The following AGT variants were observed in gnomAD, a reference collection of about 807,000 sequenced individuals.
AGT encodes angiotensinogen.
AGT carries 26 observed loss-of-function variants against 28.1 expected under a neutral mutation model. The ratio of observed to expected loss-of-function variants is 0.92; its 90% CI spans 0.68 to 1.28. AGT has a LOEUF of 1.28. Among genes scored for constraint, AGT ranks in the 50% most tolerant of loss-of-function variants. The probability of loss-of-function intolerance (pLI) is 0.00; values close to 1 mark genes in which losing one functional copy is unlikely to be tolerated. For synonymous variants in AGT, 259 were observed against 259.6 expected (o/e 1.00, Z 0.02); for missense variants, 596 against 592.3 (o/e 1.01, Z -0.06).
intron 1 of AGT, among the ~76,000 whole-genome samples, chr1:230,730,516 C>T (rs1413728741): frequency 6.6e-6 from 1 of 152,134 alleles, no homozygotes; most frequent in Admixed American, 6.6e-5. Flanking sequence ...ATTGGCTTCA[C>T]GATACCATCT....
At chr1:230,715,431 T>C (rs1232787156), upstream of AGT, among the ~76,000 whole-genome samples, 2 of 152,214 alleles carry the variant, frequency 1.3e-5, no homozygotes, top group African/African-American at 4.8e-5. Context: ...AAACACTTTT[T>C]GAGGCCAGGA....
At position 230,703,126 on chromosome 1, in the gene AGT, TC is replaced by T. The variant is rs757762966; in HGVS notation, c.*14del. 3 of 1,612,706 alleles carry T rather than the reference TC, an allele frequency of 1.9e-6. No homozygotes were observed. The highest frequency in any genetic ancestry group is 2.5e-6 in the Non-Finnish European group (3 of 1,179,776). On this transcript the variant is annotated 3_prime_UTR_variant, in exon 5 of 5. Transcript: ENST00000366667. ...GCAGAGGCCTTGCCAGGCACTGTGTTCTGGGGCCCTGGCCTCATGCTGTGCT... is the reference window on the plus strand; with the variant it reads ...GCAGAGGCCTTGCCAGGCACTGTGTTTGGGGCCCTGGCCTCATGCTGTGCT...
At chr1:230,731,152 C>G (rs1433555714) in intron 1 of AGT, among the ~76,000 whole-genome samples, 1 of 152,188 alleles carries the variant, frequency 6.6e-6, no homozygotes, top group Admixed American at 6.5e-5. Flanking sequence ...GAGTTCATAT[C>G]CAAGGTCACT....
upstream of AGT, among the ~76,000 whole-genome samples, chr1:230,718,495 T>C (rs748201286): frequency 6.6e-6 from 1 of 152,106 alleles, no homozygotes; most frequent in Admixed American, 6.5e-5. Context: ...TCATCGTATA[T>C]ATCTGCTGCT....
intron 1 of AGT, among the ~76,000 whole-genome samples, chr1:230,728,929 G>C (rs1309876891): frequency 6.6e-6 from 1 of 152,216 alleles, no homozygotes; most frequent in Non-Finnish European, 1.5e-5. Flanking sequence ...ATTTGGAGCA[G>C]AGCCTGCCAG....
rs757454311 is a variant in AGT, at chr1:230,703,297, C to T, written c.1275G>A (p.Ala425=). Residue 425 remains alanine, a synonymous_variant, in exon 5 of 5, where the codon GCG becomes GCA. Coordinates refer to ENST00000366667, the MANE Select transcript of AGT (RefSeq NM_001384479.1). ...TAGACTCTGTGGGCTCTCTCTCATC[C>T]GCTTCAAGCTCAAAAAAAATGCTGT... is the stretch of plus-strand genomic sequence containing the variant. ...VLNSIFFELE[A]DEREPTESTQ... The T allele has an allele frequency of 2.9e-5, 47 of 1,614,088 alleles. No homozygotes were observed. Among genetic ancestry groups the T allele is most frequent in the South Asian group, 9.9e-5 (9 of 91,076 alleles).
At chr1:230,736,755 T>G (rs1323291660) in intron 1 of AGT, among the ~76,000 whole-genome samples, 1 of 152,112 alleles carries the variant, frequency 6.6e-6, no homozygotes, top group East Asian at 1.9e-4. Flanking sequence ...TGGGGCAAAA[T>G]TTCAAAGCCC....
At chr1:230,712,762 G>T (rs1481433741) in intron 1 of AGT, among the ~76,000 whole-genome samples, 4 of 152,204 alleles carry the variant, frequency 2.6e-5, no homozygotes, top group Non-Finnish European at 5.9e-5. Context: ...GTGATCTGCG[G>T]CTGCTCCCTA....
chr1:230,704,486 G>A, intron 3 of AGT, 149 bp from the exon 4 acceptor site: 1 of 1,105,658 alleles, frequency 9.0e-7, no homozygotes, highest in South Asian at 1.4e-5. Context: ...CTCCCCCTTG[G>A]GGAAAATTTC....
At chr1:230,703,563 G>T (rs187483077) in intron 4 of AGT, among the ~76,000 whole-genome samples, 1 of 152,286 alleles carries the variant, frequency 6.6e-6, no homozygotes, top group Admixed American at 6.5e-5. Context: ...CTCACATGCC[G>T]GCTCCTCCCT....
upstream of AGT, among the ~76,000 whole-genome samples, chr1:230,719,052 A>G (rs1048227225): frequency 2.0e-5 from 3 of 152,126 alleles, no homozygotes; most frequent in Non-Finnish European, 1.5e-5. Context: ...AAGGCTGAAT[A>G]GTATCCCATT....
chr1:230,717,357 C>T (rs1402932726), upstream of AGT, among the ~76,000 whole-genome samples: 1 of 152,026 alleles, frequency 6.6e-6, no homozygotes, highest in Non-Finnish European at 1.5e-5. Context: ...ATCTCTTGAC[C>T]ACCCAGCTAG....
At chr1:230,743,911 G>A (rs1437549515) in intron 1 of AGT, among the ~76,000 whole-genome samples, 1 of 152,234 alleles carries the variant, frequency 6.6e-6, no homozygotes, top group African/African-American at 2.4e-5. Flanking sequence ...GACAGAGAAA[G>A]AACAGCACAG....
At chr1:230,731,461 C>T (rs185477543) in intron 1 of AGT, among the ~76,000 whole-genome samples, 65 of 152,342 alleles carry the variant, frequency 4.3e-4, no homozygotes, top group Admixed American at 7.8e-4. Flanking sequence ...GAATCCTTGC[C>T]GTGTGCAGTC....
At position 230,710,702 on chromosome 1, in the gene AGT, G is replaced by T; in HGVS notation, c.122C>A (p.Thr41Asn). 1 of 1,614,178 alleles carries T rather than the reference G, an allele frequency of 6.2e-7. No individual in the cohort carries two copies. Among genetic ancestry groups the T allele is most frequent in the Non-Finnish European group, 8.5e-7 (1 of 1,180,006 alleles). The change falls in exon 2 of 5, where the codon ACC (threonine) becomes AAC (asparagine). Residue 41 changes from threonine to asparagine, a missense_variant. Physicochemically the swap from Thr to Asn is moderately conservative, Grantham distance 65 (BLOSUM62 0). Transcript: ENST00000366667. ...PFHLVIHNESTCEQLAKANAG... is the reference protein window; with the variant it reads ...PFHLVIHNESNCEQLAKANAG... ...ATTGGCCTTTGCCAGCTGCTCACAG[G>T]TACTCTCATTGTGGATGACGAGGTG... is the stretch of plus-strand genomic sequence containing the variant.
intron 2 of AGT, among the ~76,000 whole-genome samples, chr1:230,708,502 G>C (rs913648565): frequency 7.9e-5 from 12 of 152,158 alleles, no homozygotes; most frequent in African/African-American, 2.9e-4. Flanking sequence ...TGCCAGGGCT[G>C]AGCAATCCCC....
intron 1 of AGT, among the ~76,000 whole-genome samples, chr1:230,734,303 CT>C: frequency 6.6e-6 from 1 of 151,814 alleles, no homozygotes; most frequent in East Asian, 1.9e-4. Context: ...AAGACAAATG[CT>C]ATATGATTCC....
upstream of AGT, among the ~76,000 whole-genome samples, chr1:230,719,404 A>ATGTTTTTTTTTTTTGTTTGTTTT (rs1558291258): frequency 1.4e-4 from 14 of 99,580 alleles, 1 homozygote; most frequent in African/African-American, 7.7e-4. Context: ...TATTATCATT[A>ATGTTTTTTTTTTTTGTTTGTTTT]TGTTTTTTTT....
intron 2 of AGT, among the ~76,000 whole-genome samples, chr1:230,709,067 A>G (rs574910519): frequency 6.6e-6 from 1 of 152,070 alleles, no homozygotes; most frequent in Admixed American, 6.5e-5. Context: ...CTCCCCAGTG[A>G]CCTCTGTCCT....
Sources: allele counts gnomAD v4.1 joint callset (sites outside exome capture counted in the v4.1 genomes callset), GRCh38; gene constraint gnomAD v4.1.1; transcripts MANE v1.5; gene names NCBI Gene and HGNC (gene_info 2026-07-23, HGNC 2026-07-21).